CTIF: variants seen among roughly 807,000 people sequenced by gnomAD.
CTIF encodes cap binding complex dependent translation initiation factor, also known as CBP80/20-dependent translation initiation factor.
A neutral mutation model predicts 66.0 loss-of-function variants in CTIF; 21 were observed. The ratio of observed to expected loss-of-function variants is 0.32; its 90% CI spans 0.23 to 0.46. The LOEUF (loss-of-function observed/expected upper bound fraction) is 0.46. Ranked by LOEUF, CTIF falls within the 20% of genes least tolerant of loss-of-function variation. The pLI, the probability that CTIF is intolerant of heterozygous loss-of-function variation, is 1.00. For missense variants in CTIF, 739 were observed against 812.7 expected (o/e 0.91, Z 1.10); for synonymous variants, 345 against 326.4 (o/e 1.06, Z -0.62).
chr18:48,541,377 A>C (rs1568020104), intron 1 of CTIF, among the ~76,000 whole-genome samples: 2 of 151,866 alleles, frequency 1.3e-5, no homozygotes. Context: ...ACACAGCGCG[A>C]GAGAGCGCCG....
chr18:48,768,470 AG>A (rs1338510206), intron 9 of CTIF, among the ~76,000 whole-genome samples: 1 of 152,180 alleles, frequency 6.6e-6, no homozygotes, highest in African/African-American at 2.4e-5. Context: ...GTTCCAGGGC[AG>A]GGATCCCTCC....
chr18:48,583,215 G>A (rs751459205), intron 1 of CTIF, among the ~76,000 whole-genome samples: 13 of 152,338 alleles, frequency 8.5e-5, no homozygotes, highest in Middle Eastern at 3.4e-3. Flanking sequence ...GCCCTGTCTG[G>A]GTGGGGCCAA....
At chr18:48,737,295 A>G (rs2092511552) in intron 7 of CTIF, among the ~76,000 whole-genome samples, 1 of 151,908 alleles carries the variant, frequency 6.6e-6, no homozygotes, top group African/African-American at 2.4e-5. Flanking sequence ...GTAGAGCCTG[A>G]CTCCTAAGTC....
chr18:48,598,356 G>GGACTCCTGCTAA (rs2090025296), intron 1 of CTIF, among the ~76,000 whole-genome samples: 1 of 152,232 alleles, frequency 6.6e-6, no homozygotes, highest in Admixed American at 6.5e-5. Context: ...GAAGTTGGAA[G>GGACTCCTGCTAA]TGTGCTGTCA....
In CTIF at chr18:48,754,726, A is replaced by G. The variant is rs148568660; in HGVS notation, c.585-3193A>G. On this transcript the variant is annotated intron_variant, in intron 7 of 11. Transcript: ENST00000256413. ...CACATGTGCAAAGGAGCCGCCGCCCAGCAAGGGTGAGCCTGAGAACGCCCA... is the reference window on the plus strand; with the variant it reads ...CACATGTGCAAAGGAGCCGCCGCCCGGCAAGGGTGAGCCTGAGAACGCCCA... 2.3e-4 allele frequency among the ~76,000 whole-genome samples: 35 copies of G among 152,378 alleles called. No individual in the cohort carries two copies. The East Asian group carries it at 6.4e-3, about 28-fold the overall frequency.
At chr18:48,707,146 A>G (rs2092166990) in intron 6 of CTIF, among the ~76,000 whole-genome samples, 1 of 152,212 alleles carries the variant, frequency 6.6e-6, no homozygotes, top group Non-Finnish European at 1.5e-5. Context: ...ACCTGGACTG[A>G]TGTCTACATG....
At chr18:48,856,329 C>T (rs2069327336) in intron 10 of CTIF, among the ~76,000 whole-genome samples, 1 of 152,162 alleles carries the variant, frequency 6.6e-6, no homozygotes, top group Non-Finnish European at 1.5e-5. Context: ...ATGATGGAGC[C>T]ATTGTGGGAA....
intron 9 of CTIF, among the ~76,000 whole-genome samples, chr18:48,772,408 T>C (rs1910237624): frequency 6.7e-6 from 1 of 150,332 alleles, no homozygotes; most frequent in African/African-American, 2.4e-5. Context: ...ACAATGCCCA[T>C]GACCATCCCC....
intron 3 of CTIF, among the ~76,000 whole-genome samples, chr18:48,658,816 G>A (rs540345205): frequency 2.0e-5 from 3 of 152,286 alleles, no homozygotes; most frequent in South Asian, 4.1e-4. Flanking sequence ...CCAGAGCCAC[G>A]TGGCAGGGCT....
intron 8 of CTIF, chr18:48,760,720 A>G (rs1207644444): frequency 6.6e-6 from 1 of 152,198 alleles, no homozygotes; most frequent in African/African-American, 2.4e-5. Context: ...GAAATCTCAT[A>G]AGGCTGTAGG....
rs559074631 is a variant in CTIF at position 48,790,264 on chromosome 18, G to T, written c.1372-26957G>T. On this transcript the variant is annotated intron_variant, in intron 9 of 11. Coordinates refer to ENST00000256413, the MANE Select transcript of CTIF (RefSeq NM_014772.3). ...CTCCTTTTCTAAGACCCAGACTGGG[G>T]AAATAGCTCATCCAGGGTCACTTGG... Among the ~76,000 whole-genome samples the T allele has an allele frequency of 5.9e-5, 9 of 152,372 alleles. No homozygotes were observed. The East Asian group carries it at 1.7e-3, about 29-fold the overall frequency.
intron 9 of CTIF, among the ~76,000 whole-genome samples, chr18:48,770,306 TTGCCACTGCGCCACTG>T (rs1363742009): frequency 2.0e-5 from 3 of 152,198 alleles, no homozygotes; most frequent in East Asian, 3.9e-4. Context: ...TCCTGCCTCT[TTGCCACTGCGCCACTG>T]TGCCACTGCG....
chr18:48,754,573 G>A (rs1908162584), intron 7 of CTIF, among the ~76,000 whole-genome samples: 1 of 152,232 alleles, frequency 6.6e-6, no homozygotes, highest in African/African-American at 2.4e-5. Context: ...TCACCCAGCT[G>A]ATTCCATCTG....
intron 9 of CTIF, among the ~76,000 whole-genome samples, chr18:48,773,041 G>T (rs964508567): frequency 6.6e-6 from 1 of 152,200 alleles, no homozygotes; most frequent in Non-Finnish European, 1.5e-5. Flanking sequence ...AAGTCTATAA[G>T]GGGGACCGAC....
intron 5 of CTIF, 63 bp downstream of exon 5, chr18:48,664,614 C>A: frequency 1.4e-6 from 2 of 1,423,204 alleles, no homozygotes; most frequent in East Asian, 2.3e-5. Context: ...TGGCCTTTGC[C>A]TCCACAGGGA....
At chr18:48,730,534 TGGTGTGAGG>T (rs2092440492) in intron 7 of CTIF, among the ~76,000 whole-genome samples, 1 of 13,054 alleles carries the variant, frequency 7.7e-5, no homozygotes, top group African/African-American at 3.6e-4. Flanking sequence ...GGGGCCCCTG[TGGTGTGAGG>T]GGCTTCTGCT....
rs187213758 is a variant in CTIF, at chr18:48,860,097, G to A, written c.*538G>A. On this transcript the variant is annotated 3_prime_UTR_variant, in exon 12 of 12. Transcript: ENST00000256413. ...AAGGCAGGCACGGTCCCCACCAGCC[G>A]CCCGTAATTGACGGCCTTTGTCAGC... 57 of 378,782 alleles carry A rather than the reference G, an allele frequency of 1.5e-4. No individual in the cohort carries two copies. Among genetic ancestry groups the A allele is most frequent in the African/African-American group, 9.0e-4 (43 of 47,854 alleles). The allele number at this position is 378,782 out of a possible 1,614,324, so 23.5% of individuals were successfully genotyped here. A position where few individuals can be genotyped will look rare whatever the true frequency, so the allele number is the denominator to read the frequency against.
chr18:48,541,368 C>T (rs547141087), intron 1 of CTIF, among the ~76,000 whole-genome samples: 392 of 152,058 alleles, frequency 2.6e-3, no homozygotes, highest in Non-Finnish European at 4.3e-3. Context: ...GCGAAAGTGA[C>T]ACAGCGCGAG....
rs903620804 is a variant in CTIF, at chr18:48,671,958, G to A, written c.507+1214G>A. On this transcript the variant is annotated intron_variant, in intron 6 of 11. Coordinates refer to ENST00000256413, the MANE Select transcript of CTIF (RefSeq NM_014772.3). ...TCAGACATTGTAGTTTTTATCTCTC[G>A]AAGGTCATTGTGGGCTTTTTTAATA... Among the ~76,000 whole-genome samples the A allele has an allele frequency of 3.4e-4, 4 of 11,624 alleles. 1 individual carries two copies. Among genetic ancestry groups the A allele is most frequent in the Non-Finnish European group, 4.5e-4 (2 of 4,398 alleles). The allele number at this position is 11,624 out of a possible 152,430, so 7.6% of individuals were successfully genotyped here. A position where few individuals can be genotyped will look rare whatever the true frequency, so the allele number is the denominator to read the frequency against.
Sources: gnomAD v4.1 joint callset for allele counts (sites outside exome capture counted in the v4.1 genomes callset) on GRCh38, gnomAD v4.1.1 for gene constraint, MANE v1.5 for transcripts, NCBI Gene and HGNC (gene_info 2026-07-23, HGNC 2026-07-21) for gene names.